ATAD2B: variants seen among roughly 807,000 people sequenced by gnomAD.
ATAD2B encodes ATPase family AAA domain-containing protein 2B.
Under a neutral mutation model 167.6 loss-of-function variants are expected in ATAD2B, and 40 were observed. The ratio of observed to expected loss-of-function variants is 0.24; its 90% CI spans 0.19 to 0.31. The LOEUF (loss-of-function observed/expected upper bound fraction) is 0.31. Ranked by LOEUF, ATAD2B falls within the 10% of genes least tolerant of loss-of-function variation. The pLI, the probability that ATAD2B is intolerant of heterozygous loss-of-function variation, is 1.00. For missense variants in ATAD2B, 1,242 were observed against 1,757.2 expected (o/e 0.71, Z 5.24); for synonymous variants, 579 against 596.5 (o/e 0.97, Z 0.43).
intron 1 of ATAD2B, among the ~76,000 whole-genome samples, chr2:23,906,700 T>C (rs1355460262): frequency 1.3e-5 from 2 of 151,958 alleles, no homozygotes; most frequent in Non-Finnish European, 2.9e-5. Flanking sequence ...TTGATGAACA[T>C]TGATGCAAAA....
intron 12 of ATAD2B, among the ~76,000 whole-genome samples, chr2:23,858,486 ATT>A (rs1179675554): frequency 2.5e-5 from 3 of 119,110 alleles, no homozygotes; most frequent in Non-Finnish European, 5.2e-5. Context: ...GACCTGTCTC[ATT>A]CTTTTTTTTT....
chr2:23,799,881 G>C (rs1263548820), intron 18 of ATAD2B: 1 of 151,968 alleles, frequency 6.6e-6, no homozygotes, highest in African/African-American at 2.4e-5. Flanking sequence ...CACCAATCCA[G>C]AACAGTTGTA....
Position 23,926,831 on chromosome 2 carries a change from C to T in ATAD2B, c.-61G>A. ...GGGAGAGCCGAGCAAGGCCGGCCCG[C>T]CGGCCGGTCAGTCAGGGCCAGCGGA... is the stretch of plus-strand genomic sequence containing the variant. On this transcript the variant is annotated 5_prime_UTR_variant, in exon 1 of 28. Transcript: ENST00000238789. 6.9e-7 allele frequency: 1 copy of T among 1,450,382 alleles called. No individual in the cohort carries two copies. The highest frequency in any genetic ancestry group is 9.1e-7 in the Non-Finnish European group (1 of 1,102,558). 89.8% of individuals were successfully genotyped at this position (1,450,382 alleles called of 1,614,324 possible).
At chr2:23,923,971 A>C (rs1437220546) in intron 1 of ATAD2B, among the ~76,000 whole-genome samples, 1 of 152,096 alleles carries the variant, frequency 6.6e-6, no homozygotes, top group Non-Finnish European at 1.5e-5. Flanking sequence ...TGACGAGGTC[A>C]GGAGATCGAC....
At chr2:23,679,329 T>C in the ATAD2B span, among the ~76,000 whole-genome samples, 17 of 152,238 alleles carry the variant, frequency 1.1e-4, no homozygotes, top group Non-Finnish European at 1.9e-4. Flanking sequence ...CTGGTCTAAA[T>C]GCCTCATCTG....
the ATAD2B span, among the ~76,000 whole-genome samples, chr2:23,717,310 G>A: frequency 5.9e-5 from 9 of 152,146 alleles, no homozygotes; most frequent in Non-Finnish European, 1.0e-4. Context: ...GCAGTGAGAG[G>A]AGCTTTGTGC....
chr2:23,834,148 C>CTTTA, intron 13 of ATAD2B, 70 bp from the exon 14 acceptor site: 6 of 113,986 alleles, frequency 5.3e-5, no homozygotes, highest in Non-Finnish European at 6.4e-5. Context: ...GTTTATCAGT[C>CTTTA]TTTCTTTTTT....
At chr2:23,738,380 G>A in the ATAD2B span, among the ~76,000 whole-genome samples, 1 of 152,346 alleles carries the variant, frequency 6.6e-6, no homozygotes, top group South Asian at 2.1e-4. Context: ...CCAGAAGAGA[G>A]TGGGGACCAA....
the ATAD2B span, chr2:23,689,180 T>A: frequency 0.048 from 7,353 of 152,384 alleles, 209 homozygotes; most frequent in South Asian, 0.09. Flanking sequence ...CTCTGCGGCC[T>A]TTCCCTGCAG....
At chr2:23,728,512 A>C in the ATAD2B span, among the ~76,000 whole-genome samples, 1 of 152,230 alleles carries the variant, frequency 6.6e-6, no homozygotes, top group Non-Finnish European at 1.5e-5. Context: ...GAGGAACCTT[A>C]AAACCTAACA....
At chr2:23,865,821 G>A (rs1348174622) in intron 10 of ATAD2B, 2 of 158,552 alleles carry the variant, frequency 1.3e-5, no homozygotes, top group East Asian at 1.9e-4. Flanking sequence ...ATCACAAGAA[G>A]CAGCAAAGAT....
the ATAD2B span, among the ~76,000 whole-genome samples, chr2:23,718,757 G>A: frequency 2.0e-5 from 3 of 152,212 alleles, no homozygotes; most frequent in Non-Finnish European, 4.4e-5. Flanking sequence ...CCCGTGTTCT[G>A]GAGGCTCTAG....
chr2:23,838,134 T>C (rs1247173755), intron 13 of ATAD2B, among the ~76,000 whole-genome samples: 7 of 152,222 alleles, frequency 4.6e-5, no homozygotes, highest in Admixed American at 4.6e-4. Context: ...ATCAAAATGC[T>C]AGATACCCAG....
intron 1 of ATAD2B, among the ~76,000 whole-genome samples, chr2:23,913,036 G>C (rs1489838840): frequency 6.6e-6 from 1 of 152,028 alleles, no homozygotes; most frequent in Non-Finnish European, 1.5e-5. Flanking sequence ...TCTTAATATG[G>C]AACAAGAGAT....
intron 24 of ATAD2B, among the ~76,000 whole-genome samples, chr2:23,759,104 A>T (rs1676315291): frequency 6.6e-6 from 1 of 152,206 alleles, no homozygotes; most frequent in African/African-American, 2.4e-5. Flanking sequence ...ACTTAAATAC[A>T]AAAATTATTA....
the ATAD2B span, among the ~76,000 whole-genome samples, chr2:23,704,750 G>C: frequency 5.3e-5 from 8 of 152,112 alleles, no homozygotes; most frequent in Non-Finnish European, 1.2e-4. Flanking sequence ...CTGGGTGACA[G>C]GAAAAGACTC....
intron 13 of ATAD2B, among the ~76,000 whole-genome samples, chr2:23,852,876 G>A (rs905856761): frequency 2.7e-5 from 4 of 150,152 alleles, no homozygotes; most frequent in Non-Finnish European, 5.9e-5. Flanking sequence ...CCGAGATCAC[G>A]CCATTGCACT....
chr2:23,871,943 T>G (rs1573157925), intron 8 of ATAD2B, among the ~76,000 whole-genome samples: 1 of 152,248 alleles, frequency 6.6e-6, no homozygotes, highest in East Asian at 1.9e-4. Flanking sequence ...AATGGCGCAA[T>G]CTCGACTCAC....
chr2:23,807,828 A>AT lies in ATAD2B; in HGVS notation c.2454+2487_2454+2488insA, dbSNP rs1414215585. Among the ~76,000 whole-genome samples the AT allele has an allele frequency of 5.6e-3, 665 of 118,982 alleles. 4 individuals are homozygous for AT. Among genetic ancestry groups the AT allele is most frequent in the African/African-American group, 0.02 (585 of 29,392 alleles). The allele number at this position is 118,982 out of a possible 152,430, so 78.1% of individuals were successfully genotyped here. A position where few individuals can be genotyped will look rare whatever the true frequency, so the allele number is the denominator to read the frequency against. On this transcript the variant is annotated intron_variant, in intron 18 of 27. Coordinates refer to ENST00000238789, the MANE Select transcript of ATAD2B (RefSeq NM_017552.4). ...GTGACTCCATCTTAAAAAAAAAAAA[A>AT]ATATATATATATATATAATAAAATA...
Sources: gnomAD v4.1 joint callset for allele counts (sites outside exome capture counted in the v4.1 genomes callset) on GRCh38, gnomAD v4.1.1 for gene constraint, MANE v1.5 for transcripts, NCBI Gene and HGNC (gene_info 2026-07-23, HGNC 2026-07-21) for gene names.